The following KSR2 variants were observed in gnomAD, a reference collection of about 807,000 sequenced individuals.
KSR2 encodes kinase suppressor of ras 2.
Under a neutral mutation model 107.8 loss-of-function variants are expected in KSR2, and 25 were observed. The observed-to-expected ratio is 0.23, with a 90% CI of 0.17 to 0.32. KSR2 has a LOEUF of 0.32. Among genes scored for constraint, KSR2 ranks in the 10% least tolerant of loss-of-function variants. KSR2 has a pLI of 1.00. For synonymous variants in KSR2, 480 were observed against 507.0 expected (o/e 0.95, Z 0.71); for missense variants, 887 against 1,268.9 (o/e 0.70, Z 4.57).
Position 117,722,952 on chromosome 12 carries a change from C to T in KSR2, c.986+38059G>A, listed in dbSNP as rs376241752. ...GAGAGTGCGAGAAGTATCCCGTATT[C>T]CCATGGCTGCAAGGGAAAGCCTGAG... is the stretch of plus-strand genomic sequence containing the variant. On this transcript the variant is annotated intron_variant, in intron 4 of 19. Transcript: ENST00000339824. 7.9e-5 allele frequency among the ~76,000 whole-genome samples: 12 copies of T among 152,266 alleles called. No homozygotes were observed. The East Asian group carries it at 2.3e-3, about 29-fold the overall frequency.
chr12:117,831,309 C>G (rs541298407), intron 3 of KSR2, among the ~76,000 whole-genome samples: 1 of 152,188 alleles, frequency 6.6e-6, no homozygotes, highest in South Asian at 2.1e-4. Flanking sequence ...AGAAGTTTCC[C>G]GCTTGTTCCA....
chr12:117,471,434 C>T, intron 17 of KSR2, 114 bp from the exon 18 acceptor site: 1 of 1,140,734 alleles, frequency 8.8e-7, no homozygotes, highest in South Asian at 1.6e-5. Flanking sequence ...TTCTTCTCCC[C>T]ACTTTCTTCC....
At chr12:117,817,743 T>C (rs1460460689) in intron 3 of KSR2, among the ~76,000 whole-genome samples, 1 of 152,198 alleles carries the variant, frequency 6.6e-6, no homozygotes, top group Non-Finnish European at 1.5e-5. Context: ...GCTATGACAA[T>C]GGATAAAGAG....
intron 14 of KSR2, among the ~76,000 whole-genome samples, chr12:117,492,512 C>T (rs1447937507): frequency 6.6e-6 from 1 of 152,168 alleles, no homozygotes; most frequent in Non-Finnish European, 1.5e-5. Context: ...CCCCCACGAC[C>T]TTGGGGCACA....
intron 14 of KSR2, among the ~76,000 whole-genome samples, chr12:117,513,338 T>C (rs1453468201): frequency 6.6e-6 from 1 of 152,176 alleles, no homozygotes; most frequent in Non-Finnish European, 1.5e-5. Flanking sequence ...ATGGACCTAA[T>C]TATCTTAAAC....
chr12:117,809,061 C>T (rs1891105761), intron 3 of KSR2, among the ~76,000 whole-genome samples: 1 of 152,012 alleles, frequency 6.6e-6, no homozygotes, highest in Admixed American at 6.5e-5. Flanking sequence ...GAGCAGACTC[C>T]CCACCCCCCG....
intron 7 of KSR2, among the ~76,000 whole-genome samples, chr12:117,577,086 G>C (rs1879325934): frequency 6.6e-6 from 1 of 152,154 alleles, no homozygotes; most frequent in African/African-American, 2.4e-5. Context: ...AGAGTGGGTA[G>C]AGTGAGAGCT....
chr12:117,887,121 G>T (rs1242730347), intron 1 of KSR2, among the ~76,000 whole-genome samples: 2 of 151,874 alleles, frequency 1.3e-5, no homozygotes, highest in African/African-American at 2.4e-5. Context: ...ATGGAGTCTT[G>T]CTCTGTTGCC....
chr12:117,695,917 G>A (rs1475484511), intron 4 of KSR2, among the ~76,000 whole-genome samples: 4 of 152,124 alleles, frequency 2.6e-5, no homozygotes. Context: ...GGACAGGACT[G>A]CCATCCGTTG....
chr12:117,593,874 G>C (rs1191455481), intron 5 of KSR2, among the ~76,000 whole-genome samples: 1 of 152,224 alleles, frequency 6.6e-6, no homozygotes, highest in African/African-American at 2.4e-5. Flanking sequence ...CATGACTGTA[G>C]AGAGAAGCTG....
At chr12:117,810,616 T>C (rs949335647) in intron 3 of KSR2, among the ~76,000 whole-genome samples, 4 of 152,218 alleles carry the variant, frequency 2.6e-5, no homozygotes, top group African/African-American at 9.6e-5. Context: ...TCCAGCCCTG[T>C]CTCAATTTTA....
intron 4 of KSR2, among the ~76,000 whole-genome samples, chr12:117,702,310 T>C (rs1003292599): frequency 1.3e-5 from 2 of 152,190 alleles, no homozygotes; most frequent in Non-Finnish European, 2.9e-5. Flanking sequence ...GATTCAATCA[T>C]CTTATCAGAT....
chr12:117,572,045 T>C (rs948927951), intron 7 of KSR2, among the ~76,000 whole-genome samples: 13 of 152,110 alleles, frequency 8.5e-5, no homozygotes, highest in Non-Finnish European at 1.6e-4. Flanking sequence ...TGGCCCACCC[T>C]GAAGCTGCAA....
chr12:117,524,919 G>A lies in KSR2; in HGVS notation c.2152C>T (p.Arg718Trp). The A allele has an allele frequency of 6.2e-7, 1 of 1,613,842 alleles. No homozygotes were observed. Among genetic ancestry groups the A allele is most frequent in the Non-Finnish European group, 8.5e-7 (1 of 1,179,852 alleles). ...ATGAAAAGCACCACGTTCTCATGCC[G>A]TGTCTGCCTGTAGGCCATCACCTCC... Reference protein sequence around the residue: ...KREVMAYRQTRHENVVLFMGA... With the variant: ...KREVMAYRQTWHENVVLFMGA... Residue 718 changes from arginine (R) to tryptophan (W), a missense_variant, in exon 14 of 20, where the codon CGG (arginine) becomes TGG (tryptophan). Arg to Trp is a moderately radical substitution (Grantham distance 101, BLOSUM62 -3). Around this residue, in one of 8 missense-constraint regions of KSR2, gnomAD observed 308 missense variants for 506.2 expected, o/e 0.61. Transcript: ENST00000339824.
intron 1 of KSR2, among the ~76,000 whole-genome samples, chr12:117,895,097 G>A (rs1593348493): frequency 6.6e-6 from 1 of 151,726 alleles, no homozygotes; most frequent in Admixed American, 6.6e-5. Flanking sequence ...CAGGTGTGGT[G>A]GCACAAACCT....
At chr12:117,919,810 C>G (rs1895287425) in intron 1 of KSR2, among the ~76,000 whole-genome samples, 1 of 152,210 alleles carries the variant, frequency 6.6e-6, no homozygotes, top group South Asian at 2.1e-4. Flanking sequence ...TTAGCTTAAG[C>G]CCATGGGTAA....
intron 1 of KSR2, among the ~76,000 whole-genome samples, chr12:117,960,034 C>T (rs1896616105): frequency 6.6e-6 from 1 of 152,088 alleles, no homozygotes. Context: ...CTTTCCCTGC[C>T]CACTCCCTGC....
intron 19 of KSR2, 114 bp from the exon 20 acceptor site, chr12:117,467,319 T>C (rs1871198055): frequency 3.7e-6 from 2 of 544,842 alleles, no homozygotes; most frequent in Non-Finnish European, 6.7e-6. Flanking sequence ...GAACTGTTCC[T>C]GTCTTCTGCA....
chr12:117,662,927 C>T (rs1255392349), intron 5 of KSR2, among the ~76,000 whole-genome samples: 1 of 152,212 alleles, frequency 6.6e-6, no homozygotes. Context: ...CTGCAGCTTG[C>T]AATTTTGGCT....
Sources: allele counts gnomAD v4.1 joint callset (sites outside exome capture counted in the v4.1 genomes callset), GRCh38; gene constraint gnomAD v4.1.1; regional missense constraint gnomAD v4.1.1; transcripts MANE v1.5; gene names NCBI Gene and HGNC (gene_info 2026-07-23, HGNC 2026-07-21).